The following MKLN1 variants were observed in gnomAD, a reference collection of about 807,000 sequenced individuals.
MKLN1 encodes muskelin 1, also known as muskelin.
Under a neutral mutation model 99.0 loss-of-function variants are expected in MKLN1, and 18 were observed. The ratio of observed to expected loss-of-function variants is 0.18; its 90% confidence interval spans 0.13 to 0.27. The LOEUF (loss-of-function observed/expected upper bound fraction) is 0.27, where lower values mean the gene tolerates loss of function less well. Among genes scored for constraint, MKLN1 ranks in the 10% least tolerant of loss-of-function variants. MKLN1 has a pLI of 1.00. For missense variants in MKLN1, 621 were observed against 875.9 expected (o/e 0.71, Z 3.67); for synonymous variants, 288 against 293.2 (o/e 0.98, Z 0.18).
At chr7:131,391,265 C>T (rs1410364399) in intron 4 of MKLN1, among the ~76,000 whole-genome samples, 1 of 151,928 alleles carries the variant, frequency 6.6e-6, no homozygotes, top group Non-Finnish European at 1.5e-5. Context: ...TAAAAAAAGC[C>T]TTTGAGTATT....
At chr7:131,445,120 A>G (rs1430567007) in intron 11 of MKLN1, among the ~76,000 whole-genome samples, 1 of 152,180 alleles carries the variant, frequency 6.6e-6, no homozygotes. Context: ...TGGGTAGTCA[A>G]AAAGTATGTA....
chr7:131,376,473 C>T (rs1793668612), intron 2 of MKLN1, among the ~76,000 whole-genome samples: 1 of 151,108 alleles, frequency 6.6e-6, no homozygotes, highest in Admixed American at 6.6e-5. Flanking sequence ...AAAACCTTGT[C>T]TCCACTAAAA....
chr7:131,486,428 A>G (rs563389635), intron 17 of MKLN1, among the ~76,000 whole-genome samples: 1 of 152,218 alleles, frequency 6.6e-6, no homozygotes, highest in South Asian at 2.1e-4. Flanking sequence ...AAAACAATAT[A>G]TTTTTAAAAA....
At chr7:131,122,989 G>C (rs1173026252) in intron 1 of MKLN1, among the ~76,000 whole-genome samples, 1 of 130,638 alleles carries the variant, frequency 7.7e-6, no homozygotes, top group Non-Finnish European at 1.6e-5. Flanking sequence ...CGCCACTGCA[G>C]TCCGGCCTGG....
chr7:131,428,833 C>G (rs1795436003), intron 8 of MKLN1, among the ~76,000 whole-genome samples, 200 bp from the exon 9 acceptor site: 1 of 152,138 alleles, frequency 6.6e-6, no homozygotes, highest in African/African-American at 2.4e-5. Context: ...AATAATGGTT[C>G]TGCAGCATCC....
intron 2 of MKLN1, among the ~76,000 whole-genome samples, chr7:131,182,727 C>G (rs1796393692): frequency 6.6e-6 from 1 of 151,972 alleles, no homozygotes; most frequent in Admixed American, 6.5e-5. Context: ...TATACTGCCA[C>G]ATTTTAATGT....
At chr7:131,466,184 G>T in intron 14 of MKLN1, 92 bp from the exon 15 acceptor site, 1 of 828,436 alleles carries the variant, frequency 1.2e-6, no homozygotes, top group Non-Finnish European at 1.7e-6. Flanking sequence ...TTATTTGAAT[G>T]GGCTCAGGAA....
chr7:131,427,671 A>G lies in MKLN1; in HGVS notation c.848-1362A>G, dbSNP rs556682324. ...CAGGTTCAAGTGATTCTCCTGCCTCAGCCTCCCGAATAGTTGGGATTACAG... is the reference window on the plus strand; with the variant it reads ...CAGGTTCAAGTGATTCTCCTGCCTCGGCCTCCCGAATAGTTGGGATTACAG... On this transcript the variant is annotated intron_variant, in intron 8 of 17. Coordinates refer to ENST00000352689, the MANE Select transcript of MKLN1 (RefSeq NM_013255.5). Among the ~76,000 whole-genome samples, 3 of 152,184 alleles carry G rather than the reference A, an allele frequency of 2.0e-5. No individual in the cohort carries two copies. The East Asian group carries it at 5.8e-4, about 29-fold the overall frequency.
intron 2 of MKLN1, among the ~76,000 whole-genome samples, chr7:131,202,699 T>C (rs560445122): frequency 1.3e-5 from 2 of 152,288 alleles, no homozygotes; most frequent in South Asian, 4.1e-4. Flanking sequence ...CATTGTCAAA[T>C]GTCCCCATGG....
At chr7:131,324,489 G>A (rs749308884), upstream of MKLN1, 2 of 152,228 alleles carry the variant, frequency 1.3e-5, no homozygotes, top group Non-Finnish European at 2.9e-5. Flanking sequence ...CAAGCTTGAT[G>A]ACTGCAACCT....
intron 3 of MKLN1, among the ~76,000 whole-genome samples, chr7:131,283,001 C>T (rs1047880357): frequency 3.9e-5 from 6 of 152,162 alleles, no homozygotes; most frequent in African/African-American, 4.8e-5. Context: ...GCAGGTCACA[C>T]GGGCACCTAG....
At chr7:131,122,962 G>C (rs1795396872) in intron 1 of MKLN1, among the ~76,000 whole-genome samples, 1 of 139,160 alleles carries the variant, frequency 7.2e-6, no homozygotes, top group Non-Finnish European at 1.5e-5. Context: ...GGCGGAGCTT[G>C]CAGTGAGCCG....
intron 2 of MKLN1, among the ~76,000 whole-genome samples, chr7:131,150,401 C>A (rs1795871707): frequency 6.6e-6 from 1 of 152,110 alleles, no homozygotes; most frequent in Non-Finnish European, 1.5e-5. Context: ...GTGAAAGGAT[C>A]CCCTGAGCCC....
At chr7:131,351,106 G>A (rs570541106) in intron 1 of MKLN1, among the ~76,000 whole-genome samples, 119 of 152,082 alleles carry the variant, frequency 7.8e-4, no homozygotes, top group Non-Finnish European at 1.4e-3. Context: ...CCATTAGCCA[G>A]GTGTGGTGGT....
At chr7:131,444,359 C>CA (rs1563351471) in intron 11 of MKLN1, among the ~76,000 whole-genome samples, 1 of 151,804 alleles carries the variant, frequency 6.6e-6, no homozygotes, top group African/African-American at 2.4e-5. Flanking sequence ...TCAGGTGATC[C>CA]ACCCGCCTCT....
At chr7:131,359,008 T>G (rs1267004466) in intron 1 of MKLN1, among the ~76,000 whole-genome samples, 2 of 152,120 alleles carry the variant, frequency 1.3e-5, no homozygotes, top group Non-Finnish European at 2.9e-5. Context: ...CTGTTTTCAG[T>G]TTCATTGATT....
chr7:131,158,076 G>A lies in MKLN1; in HGVS notation c.-297+15135G>A, dbSNP rs949069923. ...CTGTTTACTGTGCCTGGAAACGGGC[G>A]TTTTGCCATGGAAAAATTTCTCATT... On this transcript the variant is annotated intron_variant, in intron 2 of 7. Coordinates refer to the MKLN1 transcript ENST00000416992. Among the ~76,000 whole-genome samples, 8 of 152,118 alleles carry A rather than the reference G, an allele frequency of 5.3e-5. No individual in the cohort carries two copies. In the East Asian group the frequency reaches 7.7e-4, roughly 15 times the overall value.
chr7:131,260,381 T>C (rs1797714958), intron 3 of MKLN1, among the ~76,000 whole-genome samples: 1 of 152,052 alleles, frequency 6.6e-6, no homozygotes, highest in Admixed American at 6.6e-5. Flanking sequence ...CCATTCACAA[T>C]AGCCACAAAA....
At chr7:131,454,821 T>A (rs1467534045) in intron 12 of MKLN1, among the ~76,000 whole-genome samples, 2 of 152,208 alleles carry the variant, frequency 1.3e-5, no homozygotes, top group East Asian at 3.8e-4. Context: ...GCCTCCCTGC[T>A]TTGGGTGCTC....
Sources: gnomAD v4.1 joint callset for allele counts (sites outside exome capture counted in the v4.1 genomes callset) on GRCh38, gnomAD v4.1.1 for gene constraint, MANE v1.5 for transcripts, NCBI Gene and HGNC (gene_info 2026-07-23, HGNC 2026-07-21) for gene names.